RPP40: variants seen among roughly 807,000 people sequenced by gnomAD.
RPP40 encodes ribonuclease P protein subunit p40.
Under a neutral mutation model 42.5 loss-of-function variants are expected in RPP40, and 30 were observed. The observed-to-expected ratio is 0.71, with a 90% CI of 0.53 to 0.96. The LOEUF (loss-of-function observed/expected upper bound fraction) is 0.96, where lower values mean the gene tolerates loss of function less well. Among genes scored for constraint, RPP40 ranks in the 40% least tolerant of loss-of-function variants. The probability of loss-of-function intolerance (pLI) is 0.00; values close to 1 mark genes in which losing one functional copy is unlikely to be tolerated. For missense variants in RPP40, 426 were observed against 433.5 expected (o/e 0.98, Z 0.15); for synonymous variants, 173 against 164.0 (o/e 1.05, Z -0.42).
chr6:4,995,375 T>C, intron 7 of RPP40, 99 bp from the exon 8 acceptor site: 1 of 825,580 alleles, frequency 1.2e-6, no homozygotes, highest in Non-Finnish European at 1.9e-6. Flanking sequence ...TCTGATATTC[T>C]AATAAAGCTT....
intron 5 of RPP40, among the ~76,000 whole-genome samples, 191 bp downstream of exon 5, chr6:4,998,525 G>A (rs546286591): frequency 4.9e-4 from 74 of 152,330 alleles, no homozygotes; most frequent in East Asian, 7.7e-4. Context: ...AAAGGCCTGC[G>A]TGCCTACATG....
At chr6:4,989,517 T>C in the RPP40 span, among the ~76,000 whole-genome samples, 720 of 152,304 alleles carry the variant, frequency 4.7e-3, 3 homozygotes, top group African/African-American at 0.017. Context: ...ATATTGAATC[T>C]ATATTTTGGG....
intron 1 of RPP40, among the ~76,000 whole-genome samples, chr6:5,002,934 CA>C (rs1759609067): frequency 6.6e-6 from 1 of 152,226 alleles, no homozygotes; most frequent in Non-Finnish European, 1.5e-5. Context: ...AAACACTGCT[CA>C]GTCAAACCTG....
chr6:5,001,171 A>G, intron 2 of RPP40: 1 of 456,598 alleles, frequency 2.2e-6, no homozygotes, highest in South Asian at 1.5e-5. Context: ...GTTCCAGGTT[A>G]AGATTCAAAA....
At chr6:4,997,061 TA>T (rs1385398412) in intron 5 of RPP40, among the ~76,000 whole-genome samples, 5 of 152,246 alleles carry the variant, frequency 3.3e-5, no homozygotes, top group African/African-American at 1.2e-4. Context: ...TCCTCTCCTG[TA>T]ATGCAACCTA....
chr6:4,995,630 G>A (rs1245316586), intron 7 of RPP40, among the ~76,000 whole-genome samples: 2 of 152,156 alleles, frequency 1.3e-5, no homozygotes, highest in East Asian at 3.8e-4. Context: ...AAACGTTGCA[G>A]GATAATTCAC....
In RPP40 at chr6:4,995,321, G is replaced by A. The variant is rs1759340295; in HGVS notation, c.894-45C>T. 4 of 1,384,220 alleles carry A rather than the reference G, an allele frequency of 2.9e-6. No individual in the cohort carries two copies. The South Asian group carries it at 5.0e-5, about 17-fold the overall frequency. 85.7% of individuals were successfully genotyped at this position (1,384,220 alleles called of 1,614,324 possible). ...TAAACAGAGTTTTAAAAGAGAGTTA[G>A]GAATGTCTGCATTTTAAAAAATTTA... On this transcript the variant is annotated intron_variant, in intron 7 of 7. Coordinates refer to ENST00000380051, the MANE Select transcript of RPP40 (RefSeq NM_006638.4).
Position 4,998,706 on chromosome 6 carries a change from T to C in RPP40, c.559+10A>G. On this transcript the variant is annotated intron_variant, in intron 5 of 7. Transcript: ENST00000380051. ...AATCACTGTATCATTACATAATTTA[T>C]TCCTCATACCTGTTTTATGCCAAGC... 1.3e-6 allele frequency: 2 copies of C among 1,519,640 alleles called. No individual in the cohort carries two copies. Among genetic ancestry groups the C allele is most frequent in the Non-Finnish European group, 1.8e-6 (2 of 1,122,356 alleles). 94.1% of individuals were successfully genotyped at this position (1,519,640 alleles called of 1,614,324 possible).
downstream of RPP40, among the ~76,000 whole-genome samples, chr6:4,992,310 A>G (rs916437678): frequency 6.6e-6 from 1 of 150,950 alleles, no homozygotes; most frequent in Admixed American, 6.6e-5. Flanking sequence ...TGGAGGTTGC[A>G]GTGAGCCGAG....
Position 4,995,002 on chromosome 6 carries a change from C to T in RPP40, c.*76G>A, listed in dbSNP as rs1759325236. The T allele has an allele frequency of 1.6e-6, 2 of 1,265,168 alleles. No individual in the cohort carries two copies. The highest frequency in any genetic ancestry group is 1.5e-5 in the African/African-American group (1 of 66,848). The allele number at this position is 1,265,168 out of a possible 1,614,324, so 78.4% of individuals were successfully genotyped here. A position where few individuals can be genotyped will look rare whatever the true frequency, so the allele number is the denominator to read the frequency against. ...TCACCATCACACAAGCCTGAGTGGACACACAGACCTTTTACCATTAAGAAA... is the reference window on the plus strand; with the variant it reads ...TCACCATCACACAAGCCTGAGTGGATACACAGACCTTTTACCATTAAGAAA... On this transcript the variant is annotated 3_prime_UTR_variant, in exon 8 of 8. Coordinates refer to ENST00000380051, the MANE Select transcript of RPP40 (RefSeq NM_006638.4).
chr6:4,988,552 G>C, the RPP40 span, among the ~76,000 whole-genome samples: 6 of 152,046 alleles, frequency 3.9e-5, no homozygotes, highest in Non-Finnish European at 7.4e-5. Flanking sequence ...TTCATTTCAA[G>C]GATGTTATAT....
intron 3 of RPP40, among the ~76,000 whole-genome samples, chr6:5,000,355 T>C (rs1455121575): frequency 6.6e-6 from 1 of 152,148 alleles, no homozygotes; most frequent in Non-Finnish European, 1.5e-5. Flanking sequence ...CGCCGGCTAA[T>C]TTTTGTATTT....
At chr6:4,993,002 C>T (rs12196163), downstream of RPP40, among the ~76,000 whole-genome samples, 3,715 of 152,302 alleles carry the variant, frequency 0.024, 70 homozygotes, top group South Asian at 0.052. Flanking sequence ...TCCTAATCTT[C>T]AAGCTATTGT....
At chr6:4,988,711 C>G in the RPP40 span, among the ~76,000 whole-genome samples, 4 of 152,160 alleles carry the variant, frequency 2.6e-5, no homozygotes, top group African/African-American at 9.7e-5. Context: ...TTTGCTTAAC[C>G]ATTCACGCAC....
At chr6:5,002,424 CTACT>C (rs1243665276) in intron 1 of RPP40, among the ~76,000 whole-genome samples, 179 bp from the exon 2 acceptor site, 9 of 152,324 alleles carry the variant, frequency 5.9e-5, no homozygotes, top group Admixed American at 5.9e-4. Context: ...AGAAATCTGA[CTACT>C]TAAGTTTTTC....
chr6:5,000,116 T>C (rs2764107), intron 3 of RPP40, among the ~76,000 whole-genome samples: 135,190 of 152,302 alleles, frequency 0.89, 60,125 homozygotes, highest in East Asian at 0.99. Flanking sequence ...TTATTTATAA[T>C]AGTGAAATTT....
At chr6:5,000,063 G>A (rs1759503703) in intron 3 of RPP40, among the ~76,000 whole-genome samples, 159 bp from the exon 4 acceptor site, 1 of 152,110 alleles carries the variant, frequency 6.6e-6, no homozygotes, top group African/African-American at 2.4e-5. Flanking sequence ...GTGTATACAT[G>A]TCTTGTAACA....
chr6:5,001,372 A>G (rs1759553270), intron 2 of RPP40, among the ~76,000 whole-genome samples: 1 of 152,220 alleles, frequency 6.6e-6, no homozygotes, highest in Non-Finnish European at 1.5e-5. Context: ...ATGAGACCAG[A>G]CAAGATGCCC....
At chr6:4,988,857 T>C in the RPP40 span, among the ~76,000 whole-genome samples, 1 of 152,262 alleles carries the variant, frequency 6.6e-6, no homozygotes, top group East Asian at 1.9e-4. Flanking sequence ...CTGGATCATA[T>C]GGTAATTTCA....
Sources: allele counts gnomAD v4.1 joint callset (sites outside exome capture counted in the v4.1 genomes callset), GRCh38; gene constraint gnomAD v4.1.1; transcripts MANE v1.5; gene names NCBI Gene and HGNC (gene_info 2026-07-23, HGNC 2026-07-21).